The following PARP8 variants were observed in gnomAD, a reference collection of about 807,000 sequenced individuals.
PARP8 encodes the protein protein mono-ADP-ribosyltransferase PARP8.
In PARP8, 51 loss-of-function variants were observed where a neutral mutation model predicts 124.1. The observed-to-expected ratio is 0.41, with a 90% CI of 0.33 to 0.52. The LOEUF (loss-of-function observed/expected upper bound fraction) is 0.52, where lower values mean the gene tolerates loss of function less well. PARP8 is among the 20% of genes least tolerant of loss of function. The pLI is 0.21. For missense variants in PARP8, 860 were observed against 1,018.9 expected (o/e 0.84, Z 2.12); for synonymous variants, 391 against 361.5 (o/e 1.08, Z -0.93).
chr5:50,695,433 G>T (rs1195330370), intron 2 of PARP8, among the ~76,000 whole-genome samples: 2 of 152,244 alleles, frequency 1.3e-5, no homozygotes, highest in Admixed American at 1.3e-4. Flanking sequence ...ATGATTGTTG[G>T]AGTCTGACCA....
intron 2 of PARP8, among the ~76,000 whole-genome samples, chr5:50,688,953 G>A (rs1490011100): frequency 3.3e-5 from 5 of 151,756 alleles, no homozygotes; most frequent in Admixed American, 6.6e-5. Context: ...GTATCACTGA[G>A]TACTGCTTCC....
In PARP8 at chr5:50,801,178, GCA is replaced by G. The variant is rs758264268; in HGVS notation, c.1575+3946_1575+3947del. Among the ~76,000 whole-genome samples, 143 of 151,894 alleles carry G rather than the reference GCA, an allele frequency of 9.4e-4. 1 individual carries two copies. The highest frequency in any genetic ancestry group is 1.3e-3 in the Non-Finnish European group (90 of 67,978). ...TGCCCTGGCATGATCTCGGCTCACT[GCA>G]ACCTCTGCCTCCCGGGTTCAAGTGA... On this transcript the variant is annotated intron_variant, in intron 14 of 25. Coordinates refer to ENST00000281631, the MANE Select transcript of PARP8 (RefSeq NM_024615.4).
In PARP8 at chr5:50,756,540, A is replaced by T. The variant is rs371230913; in HGVS notation, c.185-3103A>T. ...GATGATCATCAAAGATCATGAGCAA[A>T]CCTCTCATTTTATAGCTAAAACTGT... is the stretch of plus-strand genomic sequence containing the variant. On this transcript the variant is annotated intron_variant, in intron 3 of 25. Transcript: ENST00000281631. Among the ~76,000 whole-genome samples, 33 of 152,262 alleles carry T rather than the reference A, an allele frequency of 2.2e-4. No individual in the cohort carries two copies. The East Asian group carries it at 4.4e-3, about 20-fold the overall frequency.
chr5:50,669,282 T>A (rs1258163149), intron 2 of PARP8: 3 of 152,228 alleles, frequency 2.0e-5, no homozygotes, highest in African/African-American at 7.2e-5. Context: ...GTCATCTTTG[T>A]AATTATGAAT....
At chr5:50,705,490 T>G (rs1754040969) in intron 2 of PARP8, among the ~76,000 whole-genome samples, 1 of 151,940 alleles carries the variant, frequency 6.6e-6, no homozygotes. Flanking sequence ...CTAAATAAAT[T>G]TAAAAGGAAT....
intron 2 of PARP8, among the ~76,000 whole-genome samples, chr5:50,682,662 A>G (rs1251174094): frequency 1.3e-5 from 2 of 152,176 alleles, no homozygotes; most frequent in East Asian, 3.8e-4. Context: ...TAGGGGCCTT[A>G]CACTATTTTA....
intron 2 of PARP8, among the ~76,000 whole-genome samples, chr5:50,674,264 A>G (rs1397701265): frequency 6.6e-6 from 1 of 152,204 alleles, no homozygotes; most frequent in African/African-American, 2.4e-5. Context: ...TTCTGTCTCC[A>G]GCCTTTTCCT....
chr5:50,763,361 A>C, intron 7 of PARP8, 119 bp downstream of exon 7: 2 of 711,732 alleles, frequency 2.8e-6, no homozygotes, highest in Non-Finnish European at 4.8e-6. Flanking sequence ...GTGTTTTAGA[A>C]AGAGTCTACT....
At chr5:50,687,753 C>T (rs1399198569) in intron 2 of PARP8, among the ~76,000 whole-genome samples, 1 of 152,128 alleles carries the variant, frequency 6.6e-6, no homozygotes, top group Non-Finnish European at 1.5e-5. Context: ...CGTATAATAA[C>T]TATCAGATCT....
chr5:50,768,608 GA>G (rs1401156412), intron 7 of PARP8, among the ~76,000 whole-genome samples: 2 of 152,172 alleles, frequency 1.3e-5, no homozygotes, highest in African/African-American at 4.8e-5. Context: ...GGCAGCACAT[GA>G]AATTATTTTG....
intron 2 of PARP8, among the ~76,000 whole-genome samples, chr5:50,716,316 GT>G (rs1351349774): frequency 1.3e-5 from 2 of 152,110 alleles, no homozygotes; most frequent in Admixed American, 6.6e-5. Context: ...AACAAATTGA[GT>G]TTAATGATCT....
At chr5:50,752,828 A>G (rs572579018) in intron 3 of PARP8, among the ~76,000 whole-genome samples, 1 of 152,070 alleles carries the variant, frequency 6.6e-6, no homozygotes, top group African/African-American at 2.4e-5. Flanking sequence ...TCTTTGCTCT[A>G]TGAAAATATA....
intron 2 of PARP8, among the ~76,000 whole-genome samples, chr5:50,675,496 G>A (rs1277537755): frequency 6.6e-6 from 1 of 152,092 alleles, no homozygotes; most frequent in Non-Finnish European, 1.5e-5. Flanking sequence ...TAGTCGAGAC[G>A]GGAATTCACC....
chr5:50,756,069 G>C (rs6881500), intron 3 of PARP8, among the ~76,000 whole-genome samples: 2 of 152,112 alleles, frequency 1.3e-5, no homozygotes, highest in African/African-American at 2.4e-5. Context: ...TATCAGCTTA[G>C]GGAGATTTTG....
chr5:50,734,996 A>G (rs1757338355), intron 2 of PARP8, among the ~76,000 whole-genome samples: 1 of 152,126 alleles, frequency 6.6e-6, no homozygotes, highest in South Asian at 2.1e-4. Context: ...TAGTTATAAT[A>G]TCTAGTAATA....
At chr5:50,789,561 T>A (rs1741712241) in intron 10 of PARP8, among the ~76,000 whole-genome samples, 2 of 152,202 alleles carry the variant, frequency 1.3e-5, no homozygotes, top group South Asian at 2.1e-4. Flanking sequence ...ACATAGAGTC[T>A]AGATGAGCCT....
At chr5:50,714,740 C>T (rs982521292) in intron 2 of PARP8, among the ~76,000 whole-genome samples, 1 of 152,074 alleles carries the variant, frequency 6.6e-6, no homozygotes, top group Non-Finnish European at 1.5e-5. Flanking sequence ...CAGGGCTTTC[C>T]AACTCTATGT....
chr5:50,677,183 A>G (rs1579916201), intron 2 of PARP8, among the ~76,000 whole-genome samples: 1 of 152,122 alleles, frequency 6.6e-6, no homozygotes. Context: ...TATCTGTGTC[A>G]TTGATCTCCT....
chr5:50,835,251 A>C (rs6872615), intron 25 of PARP8, among the ~76,000 whole-genome samples: 104 of 152,342 alleles, frequency 6.8e-4, no homozygotes, highest in African/African-American at 2.3e-3. Context: ...ACTAAAAAAA[A>C]CACCATCTTA....
Sources: gnomAD v4.1 joint callset for allele counts (sites outside exome capture counted in the v4.1 genomes callset) on GRCh38, gnomAD v4.1.1 for gene constraint, MANE v1.5 for transcripts, NCBI Gene and HGNC (gene_info 2026-07-23, HGNC 2026-07-21) for gene names.